Variants in MIPOL1 observed in about 807,000 individuals in gnomAD.
MIPOL1 encodes the protein mirror-image polydactyly gene 1 protein.
Under a neutral mutation model 60.9 loss-of-function variants are expected in MIPOL1, and 57 were observed. The observed-to-expected ratio is 0.94, with a 90% confidence interval of 0.76 to 1.17. MIPOL1 has a LOEUF of 1.17. MIPOL1 is among the 50% of genes most tolerant of loss of function. The pLI is 0.00. For synonymous variants in MIPOL1, 179 were observed against 168.8 expected, an observed-to-expected ratio of 1.06 and a Z score of -0.47; for missense variants, 551 against 511.6, an observed-to-expected ratio of 1.08 and a Z score of -0.74.
At chr14:37,299,118 T>TA (rs1432805725) in intron 7 of MIPOL1, among the ~76,000 whole-genome samples, 1 of 152,118 alleles carries the variant, frequency 6.6e-6, no homozygotes, top group Non-Finnish European at 1.5e-5. Flanking sequence ...TCTGCAGCCA[T>TA]AAAAAATGAT....
chr14:37,328,340 G>A (rs2089371689), intron 9 of MIPOL1, among the ~76,000 whole-genome samples: 1 of 152,074 alleles, frequency 6.6e-6, no homozygotes, highest in Non-Finnish European at 1.5e-5. Context: ...TAAAATACGG[G>A]AAAGTAACCT....
intron 11 of MIPOL1, among the ~76,000 whole-genome samples, chr14:37,456,477 C>G (rs1201005193): frequency 4.6e-5 from 7 of 151,986 alleles, no homozygotes; most frequent in Admixed American, 3.9e-4. Context: ...AAAGGAAATA[C>G]AATTTTTATT....
intron 1 of MIPOL1, among the ~76,000 whole-genome samples, chr14:37,212,751 A>T (rs1481225857): frequency 6.6e-6 from 1 of 152,136 alleles, no homozygotes; most frequent in East Asian, 1.9e-4. Flanking sequence ...TTACTACAGC[A>T]GGCTTTGGGC....
At chr14:37,255,333 A>G (rs1034874275) in intron 3 of MIPOL1, among the ~76,000 whole-genome samples, 4 of 151,906 alleles carry the variant, frequency 2.6e-5, no homozygotes, top group Admixed American at 1.3e-4. Flanking sequence ...GACTGAATTG[A>G]AGGCCCTTTA....
intron 1 of MIPOL1, among the ~76,000 whole-genome samples, chr14:37,198,447 G>A (rs1964693184): frequency 6.6e-6 from 1 of 151,866 alleles, no homozygotes; most frequent in African/African-American, 2.4e-5. Context: ...TCCAGTCCTC[G>A]CTCAACCTCT....
chr14:37,237,740 G>A (rs1971713150), intron 1 of MIPOL1, among the ~76,000 whole-genome samples: 1 of 152,122 alleles, frequency 6.6e-6, no homozygotes, highest in South Asian at 2.1e-4. Flanking sequence ...CCAACTTGGT[G>A]GGTGGTTTGT....
intron 9 of MIPOL1, among the ~76,000 whole-genome samples, chr14:37,348,542 G>C (rs1481770945): frequency 6.6e-6 from 1 of 151,920 alleles, no homozygotes; most frequent in Non-Finnish European, 1.5e-5. Context: ...GGACAGGTCA[G>C]CAAACTAGGA....
intron 11 of MIPOL1, among the ~76,000 whole-genome samples, chr14:37,452,655 A>G (rs2094436210): frequency 6.6e-6 from 1 of 152,224 alleles, no homozygotes; most frequent in Admixed American, 6.5e-5. Context: ...CTTTATTGTC[A>G]GAAAGAATAT....
chr14:37,382,451 T>C (rs2092950003), intron 10 of MIPOL1, among the ~76,000 whole-genome samples: 1 of 152,074 alleles, frequency 6.6e-6, no homozygotes, highest in East Asian at 1.9e-4. Flanking sequence ...AGTTGAGACT[T>C]TCATTAGAGA....
intron 9 of MIPOL1, among the ~76,000 whole-genome samples, chr14:37,342,817 A>G (rs1391751088): frequency 1.3e-5 from 2 of 152,100 alleles, no homozygotes; most frequent in African/African-American, 2.4e-5. Flanking sequence ...ACATCTTGGT[A>G]TCTTTAATAA....
intron 9 of MIPOL1, among the ~76,000 whole-genome samples, chr14:37,351,058 C>G (rs1264309944): frequency 4.2e-5 from 1 of 23,816 alleles, no homozygotes; most frequent in African/African-American, 1.1e-4. Flanking sequence ...TCCCTCCCCC[C>G]TCCCCCCACC....
At chr14:37,434,555 ATG>A (rs1342524703) in intron 11 of MIPOL1, 1 of 151,928 alleles carries the variant, frequency 6.6e-6, no homozygotes, top group Middle Eastern at 3.2e-3. Context: ...ATTTTAGTAT[ATG>A]TACCCAAGGT....
intron 7 of MIPOL1, among the ~76,000 whole-genome samples, chr14:37,298,814 A>T (rs2086056291): frequency 6.6e-6 from 1 of 151,336 alleles, no homozygotes; most frequent in Admixed American, 6.6e-5. Context: ...GCTGGAGAGG[A>T]TGTTGAGAAA....
chr14:37,486,669 A>G (rs549766196), intron 11 of MIPOL1, among the ~76,000 whole-genome samples: 1 of 152,248 alleles, frequency 6.6e-6, no homozygotes, highest in East Asian at 1.9e-4. Flanking sequence ...ATTTTTGCTC[A>G]TTGATTTTGT....
At chr14:37,534,498 A>G (rs1395296084) in intron 12 of MIPOL1, among the ~76,000 whole-genome samples, 1 of 152,164 alleles carries the variant, frequency 6.6e-6, no homozygotes, top group African/African-American at 2.4e-5. Context: ...TATGTGTGTG[A>G]TATTTATTCA....
In MIPOL1 at chr14:37,446,369, G is replaced by A. The variant is rs865812415; in HGVS notation, c.1031+23420G>A. On this transcript the variant is annotated intron_variant, in intron 11 of 12. Transcript: ENST00000684589. ...CAGAGAAATGCAAATCAAAACCACA[G>A]TGAGATACCATCTCACACCAGTTAG... Among the ~76,000 whole-genome samples the A allele has an allele frequency of 5.7e-3, 868 of 151,622 alleles. 6 individuals carry two copies. The highest frequency in any genetic ancestry group is 0.021 in the East Asian group (106 of 5,144).
Position 37,548,888 on chromosome 14 carries a change from T to C in MIPOL1, c.*1917T>C, listed in dbSNP as rs1006849717. The C allele has an allele frequency of 2.6e-5, 4 of 152,026 alleles. No homozygotes were observed. Among genetic ancestry groups the C allele is most frequent in the Non-Finnish European group, 5.9e-5 (4 of 67,860 alleles). The allele number at this position is 152,026 out of a possible 1,614,324, so 9.4% of individuals were successfully genotyped here. A position where few individuals can be genotyped will look rare whatever the true frequency, so the allele number is the denominator to read the frequency against. ...TCCTATAATTAATATGCAGAACTTT[T>C]ATAGAATATGATATTATAAAGTTAA... On this transcript the variant is annotated 3_prime_UTR_variant, in exon 13 of 13. Coordinates refer to ENST00000684589, the MANE Select transcript of MIPOL1 (RefSeq NM_001388067.1).
intron 10 of MIPOL1, chr14:37,402,022 T>C (rs1328284426): frequency 2.0e-5 from 3 of 152,106 alleles, no homozygotes; most frequent in East Asian, 1.9e-4. Flanking sequence ...ACTTATGAGA[T>C]GGTGCAAAAC....
At chr14:37,501,295 G>A (rs777541285) in intron 12 of MIPOL1, among the ~76,000 whole-genome samples, 1 of 152,130 alleles carries the variant, frequency 6.6e-6, no homozygotes, top group Non-Finnish European at 1.5e-5. Flanking sequence ...TGATGTATAG[G>A]TAGATCTCAT....
Sources: allele counts gnomAD v4.1 joint callset (sites outside exome capture counted in the v4.1 genomes callset), GRCh38; gene constraint gnomAD v4.1.1; transcripts MANE v1.5; gene names NCBI Gene and HGNC (gene_info 2026-07-23, HGNC 2026-07-21).